The following PLEKHG4B variants were observed in gnomAD, a reference collection of about 807,000 sequenced individuals.
PLEKHG4B encodes the protein pleckstrin homology and RhoGEF domain containing G4B.
PLEKHG4B carries 111 observed loss-of-function variants against 121.3 expected under a neutral mutation model. The ratio of observed to expected loss-of-function variants is 0.92; its 90% CI spans 0.78 to 1.07. PLEKHG4B has a LOEUF of 1.07. Among genes scored for constraint, PLEKHG4B ranks in the 50% least tolerant of loss-of-function variants. The probability of loss-of-function intolerance (pLI) is 0.00; values close to 1 mark genes in which losing one functional copy is unlikely to be tolerated. For missense variants in PLEKHG4B, 1,831 were observed against 1,757.8 expected (o/e 1.04, Z -0.74); for synonymous variants, 738 against 725.0 (o/e 1.02, Z -0.29).
chr5:109,666 C>T (rs529448735), intron 1 of PLEKHG4B, among the ~76,000 whole-genome samples: 5 of 152,314 alleles, frequency 3.3e-5, no homozygotes, highest in South Asian at 2.1e-4. Context: ...ATGTTACCCT[C>T]GTTTCAATAA....
intron 18 of PLEKHG4B, among the ~76,000 whole-genome samples, chr5:174,675 G>C (rs1378303169): frequency 2.0e-5 from 3 of 152,080 alleles, no homozygotes; most frequent in Non-Finnish European, 4.4e-5. Context: ...TTCTATACAG[G>C]GTTGGTGCAC....
intron 9 of PLEKHG4B, among the ~76,000 whole-genome samples, chr5:155,707 C>G (rs904301029): frequency 1.3e-5 from 2 of 152,184 alleles, no homozygotes; most frequent in African/African-American, 4.8e-5. Flanking sequence ...AACCGCTGCT[C>G]GGAACGAGCC....
In PLEKHG4B at chr5:143,183, C is replaced by A. The variant is rs151331747; in HGVS notation, c.1614C>A (p.Phe538Leu). The A allele has an allele frequency of 1.8e-5, 29 of 1,611,846 alleles. No individual in the cohort carries two copies. In the African/African-American group the frequency reaches 2.9e-4, roughly 16 times the overall value. The change falls in exon 4 of 20, where the codon TTC becomes TTA. Residue 538 changes from phenylalanine (F) to leucine (L), a missense_variant. Phe to Leu is a conservative substitution (Grantham distance 22). Transcript: ENST00000637938. ...QEGWPPGTGD[F>L]PSQVPKQVLD... The stretch of plus-strand genomic sequence containing the variant: ...GGTGGCCACCCGGCACAGGAGACTT[C>A]CCCAGCCAGGTGCCCAAGCAGGTGC...
At position 162,056 on chromosome 5, in the gene PLEKHG4B, C is replaced by T. The variant is rs544539541; in HGVS notation, c.2649+112C>T. 285 of 1,354,588 alleles carry T rather than the reference C, an allele frequency of 2.1e-4. 1 individual carries two copies. The highest frequency in any genetic ancestry group is 4.0e-4 in the African/African-American group (26 of 65,310). 83.9% of individuals were successfully genotyped at this position (1,354,588 alleles called of 1,614,324 possible). On this transcript the variant is annotated intron_variant, in intron 12 of 19. Transcript: ENST00000637938. ...GTGGGCCAGGCTGTGGGACAGAGGCCGGGCACCTGCGATGGAGCCCCCCTG... is the reference window on the plus strand; with the variant it reads ...GTGGGCCAGGCTGTGGGACAGAGGCTGGGCACCTGCGATGGAGCCCCCCTG...
chr5:145,743 G>A (rs1735386571), intron 6 of PLEKHG4B, among the ~76,000 whole-genome samples: 2 of 152,270 alleles, frequency 1.3e-5, no homozygotes, highest in South Asian at 4.1e-4. Context: ...AGCAGGGGCA[G>A]ATGGAAGCTC....
chr5:94,012 C>T (rs1733551853), intron 1 of PLEKHG4B, among the ~76,000 whole-genome samples: 1 of 152,180 alleles, frequency 6.6e-6, no homozygotes, highest in Non-Finnish European at 1.5e-5. Context: ...GAACAAAAGT[C>T]AGGCCATCTA....
intron 2 of PLEKHG4B, among the ~76,000 whole-genome samples, chr5:128,928 T>C (rs1013876457): frequency 1.3e-5 from 2 of 152,128 alleles, no homozygotes; most frequent in Non-Finnish European, 2.9e-5. Flanking sequence ...GACAGGCCTT[T>C]GGAGTTTAGG....
rs770238417 is a variant in PLEKHG4B at position 182,353 on chromosome 5, T to C, written c.*30T>C. The C allele has an allele frequency of 1.9e-6, 3 of 1,554,988 alleles. No individual in the cohort carries two copies. Among genetic ancestry groups the C allele is most frequent in the Non-Finnish European group, 2.6e-6 (3 of 1,152,956 alleles). Reference sequence around the variant, plus strand: ...TGTCAGGGTGGCAGTGCCCATCATGTGGCTAGAACAATACAGAGGGAGCAG... The same window carrying C: ...TGTCAGGGTGGCAGTGCCCATCATGCGGCTAGAACAATACAGAGGGAGCAG... On this transcript the variant is annotated 3_prime_UTR_variant, in exon 20 of 20. Coordinates refer to ENST00000637938, the MANE Select transcript of PLEKHG4B (RefSeq NM_052909.5).
chr5:120,754 G>A (rs1379073250), intron 2 of PLEKHG4B, among the ~76,000 whole-genome samples: 1 of 152,108 alleles, frequency 6.6e-6, no homozygotes, highest in African/African-American at 2.4e-5. Flanking sequence ...TTTAAGAATT[G>A]GTGATTTGCA....
intron 2 of PLEKHG4B, among the ~76,000 whole-genome samples, chr5:138,865 A>G (rs1481344810): frequency 6.6e-6 from 1 of 152,400 alleles, no homozygotes; most frequent in East Asian, 1.9e-4. Context: ...ATAGCACAGG[A>G]AATGCTAATG....
At chr5:111,387 C>T (rs1482392902) in intron 1 of PLEKHG4B, among the ~76,000 whole-genome samples, 1 of 152,210 alleles carries the variant, frequency 6.6e-6, no homozygotes, top group Non-Finnish European at 1.5e-5. Context: ...GAGCATGGGG[C>T]CTGCCCCAGT....
At chr5:110,643 A>G (rs898291220) in intron 1 of PLEKHG4B, among the ~76,000 whole-genome samples, 1 of 151,544 alleles carries the variant, frequency 6.6e-6, no homozygotes, top group Non-Finnish European at 1.5e-5. Flanking sequence ...ACGTGCACAC[A>G]TCCACACAAT....
chr5:107,982 A>C (rs1181681877), intron 1 of PLEKHG4B, among the ~76,000 whole-genome samples: 2 of 152,186 alleles, frequency 1.3e-5, no homozygotes, highest in Non-Finnish European at 2.9e-5. Context: ...ACATAGGCTC[A>C]GGGAATTAGA....
intron 1 of PLEKHG4B, among the ~76,000 whole-genome samples, chr5:103,296 CTT>C (rs1733877745): frequency 1.3e-5 from 2 of 152,154 alleles, no homozygotes; most frequent in African/African-American, 4.8e-5. Context: ...CCTTTCCCAT[CTT>C]TGTTCCTGGG....
In PLEKHG4B at chr5:160,139, CAA is replaced by C. The variant is rs761703789; in HGVS notation, c.2488-1642_2488-1641del. On this transcript the variant is annotated intron_variant, in intron 11 of 19. Transcript: ENST00000637938. ...ATGCACACTGTGGGAAAATTAGAAA[CAA>C]ATAGATTTTTACACACGGGATGCCG... 2.6e-5 allele frequency among the ~76,000 whole-genome samples: 4 copies of C among 152,254 alleles called. No homozygotes were observed. The South Asian group carries it at 8.3e-4, about 31-fold the overall frequency.
Position 164,534 on chromosome 5 carries a change from G to GGGGGCGGAGCTCACAGTAATGCTCTGAC in PLEKHG4B, c.3476+1001_3476+1002insGTAATGCTCTGACGGGGCGGAGCTCACA, listed in dbSNP as rs1736185386. Among the ~76,000 whole-genome samples the GGGGGCGGAGCTCACAGTAATGCTCTGAC allele has an allele frequency of 3.1e-4, 8 of 25,586 alleles. 1 individual carries two copies. The highest frequency in any genetic ancestry group is 8.0e-4 in the African/African-American group (6 of 7,504). 16.8% of individuals were successfully genotyped at this position (25,586 alleles called of 152,430 possible). ...GAGCTCACACAGTAATGCTGTGACA[G>GGGGGCGGAGCTCACAGTAATGCTCTGAC]GGGGCGGAGCTCACACAGTAATGCT... On this transcript the variant is annotated intron_variant, in intron 13 of 19. Coordinates refer to ENST00000637938, the MANE Select transcript of PLEKHG4B (RefSeq NM_052909.5).
chr5:116,013 G>A (rs747061669), intron 2 of PLEKHG4B, among the ~76,000 whole-genome samples: 2 of 152,180 alleles, frequency 1.3e-5, no homozygotes, highest in Non-Finnish European at 2.9e-5. Context: ...GGTGCAGGAG[G>A]CCTAGCTTTT....
At chr5:130,222 C>A (rs745652504) in intron 2 of PLEKHG4B, among the ~76,000 whole-genome samples, 1 of 152,014 alleles carries the variant, frequency 6.6e-6, no homozygotes, top group African/African-American at 2.4e-5. Flanking sequence ...AAAAAACACA[C>A]AAAACAAAAG....
intron 1 of PLEKHG4B, among the ~76,000 whole-genome samples, chr5:109,128 C>T (rs1276534472): frequency 6.6e-6 from 1 of 152,168 alleles, no homozygotes; most frequent in Non-Finnish European, 1.5e-5. Flanking sequence ...GAAGGAGCCA[C>T]GGGTGTCTGC....
Sources: allele counts gnomAD v4.1 joint callset (sites outside exome capture counted in the v4.1 genomes callset), GRCh38; gene constraint gnomAD v4.1.1; transcripts MANE v1.5; gene names NCBI Gene and HGNC (gene_info 2026-07-23, HGNC 2026-07-21).